ARCN1: variants seen among roughly 807,000 people sequenced by gnomAD.
ARCN1 encodes the protein archain 1 coat protein complex I subunit delta.
Under a neutral mutation model 60.4 loss-of-function variants are expected in ARCN1, and 5 were observed. The ratio of observed to expected loss-of-function variants is 0.08; its 90% CI spans 0.04 to 0.17. ARCN1 has a LOEUF of 0.17. ARCN1 is among the 10% of genes least tolerant of loss of function. The pLI is 1.00. For missense variants in ARCN1, 464 were observed against 626.5 expected (o/e 0.74, Z 2.77); for synonymous variants, 224 against 220.0 (o/e 1.02, Z -0.16).
chr11:118,581,262 C>T lies in ARCN1; in HGVS notation c.20C>T (p.Ala7Val), dbSNP rs782522980. The stretch of plus-strand genomic sequence containing the variant: ...TCCTGGCAGGTGCTGTTGGCAGCAG[C>T]GGTCTGCACAAAAGCAGGAAAGGCT... MVLLAA[A>V]VCTKAGKAIV... The change falls in exon 2 of 10, where the codon GCG (alanine) becomes GTG (valine). Residue 7 changes from alanine to valine, a missense_variant. Coordinates refer to ENST00000264028, the MANE Select transcript of ARCN1 (RefSeq NM_001655.5). 12 of 1,614,040 alleles carry T rather than the reference C, an allele frequency of 7.4e-6. No individual in the cohort carries two copies. Among genetic ancestry groups the T allele is most frequent in the Non-Finnish European group, 7.6e-6 (9 of 1,179,992 alleles).
chr11:118,593,793 T>C (rs561843457), intron 8 of ARCN1, 95 bp downstream of exon 8: 1 of 673,324 alleles, frequency 1.5e-6, no homozygotes, highest in Non-Finnish European at 2.5e-6. Context: ...TGACTGTCCA[T>C]TCAAAGATAC....
chr11:118,599,211 T>C (rs1555077719), intron 9 of ARCN1, among the ~76,000 whole-genome samples: 1 of 147,794 alleles, frequency 6.8e-6, no homozygotes, highest in African/African-American at 2.6e-5. Flanking sequence ...TCCTGCCTCA[T>C]CCTCCTGAGT....
At position 118,593,607 on chromosome 11, in the gene ARCN1, G is replaced by C; in HGVS notation, c.1150G>C (p.Glu384Gln). Residue 384 changes from glutamate to glutamine, a missense_variant, in exon 8 of 10, where the codon GAG becomes CAG. Physicochemically the swap from Glu to Gln is conservative, Grantham distance 29. Around this residue, in one of 2 missense-constraint regions of ARCN1, gnomAD observed 359 missense variants for 440.2 expected, o/e 0.82. Transcript: ENST00000264028. ...CTCCTCAGTTAATTGCTGGCCCTCG[G>C]AGAGTGGAAATGGCTGTGATGTCAA... ...IPLTINCWPS[E>Q]SGNGCDVNIE... The C allele has an allele frequency of 8.1e-6, 13 of 1,612,804 alleles. No individual in the cohort carries two copies. The highest frequency in any genetic ancestry group is 1.1e-5 in the Non-Finnish European group (13 of 1,179,014).
chr11:118,598,031 T>A, intron 9 of ARCN1, 120 bp downstream of exon 9: 2 of 875,520 alleles, frequency 2.3e-6, no homozygotes, highest in Admixed American at 2.7e-5. Flanking sequence ...AAAAAACTGA[T>A]GTCTCCTACA....
At chr11:118,586,006 G>A (rs186868628) in intron 5 of ARCN1, among the ~76,000 whole-genome samples, 16 of 152,344 alleles carry the variant, frequency 1.1e-4, no homozygotes, top group Admixed American at 1.0e-3. Context: ...GTTGCTGATG[G>A]TTTTGAGGTC....
At chr11:118,576,199 G>A (rs1221588971) in intron 1 of ARCN1, among the ~76,000 whole-genome samples, 3 of 151,900 alleles carry the variant, frequency 2.0e-5, no homozygotes, top group African/African-American at 7.2e-5. Flanking sequence ...ATGTAGTTAA[G>A]TCTGTGTAGG....
At chr11:118,576,160 G>GT (rs200268771) in intron 1 of ARCN1, among the ~76,000 whole-genome samples, 6,226 of 151,920 alleles carry the variant, frequency 0.041, 180 homozygotes, top group South Asian at 0.067. Context: ...AATTCTCCAG[G>GT]TTTTTTTACT....
chr11:118,597,524 ACT>A (rs1290877507), intron 8 of ARCN1, among the ~76,000 whole-genome samples, 181 bp from the exon 9 acceptor site: 1 of 151,832 alleles, frequency 6.6e-6, no homozygotes, highest in Non-Finnish European at 1.5e-5. Flanking sequence ...ATTGAGTGAA[ACT>A]CTTAGCCCAA....
rs1555077985 is a variant in ARCN1 at position 118,600,759 on chromosome 11, A to G, written c.*45A>G. 1.5e-6 allele frequency: 2 copies of G among 1,347,616 alleles called. No individual in the cohort carries two copies. The highest frequency in any genetic ancestry group is 2.1e-6 in the Non-Finnish European group (2 of 958,948). The allele number at this position is 1,347,616 out of a possible 1,614,324, so 83.5% of individuals were successfully genotyped here. A position where few individuals can be genotyped will look rare whatever the true frequency, so the allele number is the denominator to read the frequency against. On this transcript the variant is annotated 3_prime_UTR_variant, in exon 10 of 10. Transcript: ENST00000264028. ...AAAAGGAAAATTTTCAGATTAATAA[A>G]GAAGACGCCAATGATGGCTGAAGAG...
chr11:118,592,805 G>A lies in ARCN1; in HGVS notation c.1081G>A (p.Val361Met). 1.2e-6 allele frequency: 2 copies of A among 1,614,136 alleles called. No homozygotes were observed. Among genetic ancestry groups the A allele is most frequent in the Non-Finnish European group, 1.7e-6 (2 of 1,180,006 alleles). Residue 361 changes from valine (V) to methionine (M), a missense_variant, in exon 7 of 10, where the codon GTG (valine) becomes ATG (methionine). By Grantham distance (21) the Val-to-Met change is conservative (BLOSUM62 1). This residue lies in a region of ARCN1 where 359 missense variants were observed against 440.2 expected (regional missense o/e 0.82). Coordinates refer to ENST00000264028, the MANE Select transcript of ARCN1 (RefSeq NM_001655.5). ...KSFPVNSDVG[V>M]LKWRLQTTEE... is the part of the protein sequence containing the mutation. The stretch of plus-strand genomic sequence containing the variant: ...ATTTCCAGTCAACAGTGACGTAGGG[G>A]TGCTAAAGTGGAGACTACAAACCAC...
At chr11:118,590,751 A>G (rs1938886469) in intron 6 of ARCN1, among the ~76,000 whole-genome samples, 1 of 152,256 alleles carries the variant, frequency 6.6e-6, no homozygotes, top group Admixed American at 6.5e-5. Flanking sequence ...AATCTAATAA[A>G]TGACTTCATA....
Position 118,590,539 on chromosome 11 carries a change from A to G in ARCN1, c.984+33A>G, listed in dbSNP as rs782570728. The G allele has an allele frequency of 3.7e-6, 6 of 1,605,018 alleles. No individual in the cohort carries two copies. In the Admixed American group the frequency reaches 6.7e-5, roughly 18 times the overall value. ...GAAGCTTTTGATAGGGAGTATTAAC[A>G]CTTTGTCTACCTATTATAGTCTTTC... On this transcript the variant is annotated intron_variant, in intron 6 of 9. Coordinates refer to ENST00000264028, the MANE Select transcript of ARCN1 (RefSeq NM_001655.5).
chr11:118,581,158 A>G, intron 1 of ARCN1, 88 bp from the exon 2 acceptor site: 1 of 1,504,670 alleles, frequency 6.6e-7, no homozygotes, highest in Middle Eastern at 1.7e-4. Context: ...CTAAATAAAT[A>G]TGTCATTCTA....
Position 118,601,736 on chromosome 11 carries a change from C to G in ARCN1, c.*1022C>G. The G allele has an allele frequency of 1.4e-6, 1 of 702,914 alleles. No homozygotes were observed. Among genetic ancestry groups the G allele is most frequent in the South Asian group, 1.5e-5 (1 of 67,602 alleles). 43.5% of individuals were successfully genotyped at this position (702,914 alleles called of 1,614,324 possible). On this transcript the variant is annotated 3_prime_UTR_variant, in exon 10 of 10. Transcript: ENST00000264028. ...CCTGTCCTTCCAGTTTAGAACAGTA[C>G]CATGAATCCCACTTGTGTCAATATT...
chr11:118,573,204 G>A (rs1358822884), intron 1 of ARCN1, among the ~76,000 whole-genome samples: 4 of 152,306 alleles, frequency 2.6e-5, no homozygotes, highest in African/African-American at 9.6e-5. Context: ...CATACACTGT[G>A]TAGACCACTG....
At chr11:118,594,752 G>A (rs781850833) in intron 8 of ARCN1, among the ~76,000 whole-genome samples, 8 of 152,050 alleles carry the variant, frequency 5.3e-5, no homozygotes, top group Middle Eastern at 3.4e-3. Flanking sequence ...GTTTCACCAT[G>A]TTGGCCAGGC....
rs1295209817 is a variant in ARCN1, at chr11:118,597,617, T to G, written c.1242-90T>G. 7 of 1,458,406 alleles carry G rather than the reference T, an allele frequency of 4.8e-6. No homozygotes were observed. The African/African-American group carries it at 9.8e-5, about 20-fold the overall frequency. 90.3% of individuals were successfully genotyped at this position (1,458,406 alleles called of 1,614,324 possible). A position where few individuals can be genotyped will look rare whatever the true frequency, so the allele number is the denominator to read the frequency against. ...AATTGTAGTCCTAGAAGGCAAAATT[T>G]GGGGATCATATATCAAATTTGGGGT... On this transcript the variant is annotated intron_variant, in intron 8 of 9. Coordinates refer to ENST00000264028, the MANE Select transcript of ARCN1 (RefSeq NM_001655.5).
In ARCN1 at chr11:118,581,399, A is replaced by T; in HGVS notation, c.157A>T (p.Ser53Cys). 6.2e-7 allele frequency: 1 copy of T among 1,614,194 alleles called. No homozygotes were observed. Among genetic ancestry groups the T allele is most frequent in the Non-Finnish European group, 8.5e-7 (1 of 1,180,040 alleles). ...ACAACATACGTTTGTTGAAACAGAG[A>T]GTGTAAGATATGTCTACCAGCCTAT... ...GKQHTFVETESVRYVYQPMEK... is the reference protein window; with the variant it reads ...GKQHTFVETECVRYVYQPMEK... The change falls in exon 2 of 10, where the codon AGT becomes TGT. Residue 53 changes from serine to cysteine, a missense_variant. Physicochemically the swap from Ser to Cys is moderately radical, Grantham distance 112. This residue lies in a region of ARCN1 where 105 missense variants were observed against 186.3 expected (regional missense o/e 0.56). Transcript: ENST00000264028.
In ARCN1 at chr11:118,592,786, A is replaced by G; in HGVS notation, c.1062A>G (p.Pro354=). Residue 354 remains proline, a synonymous_variant, in exon 7 of 10, where the codon CCA becomes CCG. Transcript: ENST00000264028. ...IGLKNPEKSF[P]VNSDVGVLKW... ...TGAAGAATCCAGAGAAGTCATTTCC[A>G]GTCAACAGTGACGTAGGGGTGCTAA... 2 of 1,614,154 alleles carry G rather than the reference A, an allele frequency of 1.2e-6. No individual in the cohort carries two copies. The highest frequency in any genetic ancestry group is 8.5e-7 in the Non-Finnish European group (1 of 1,180,000).
Sources: allele counts gnomAD v4.1 joint callset (sites outside exome capture counted in the v4.1 genomes callset), GRCh38; gene constraint gnomAD v4.1.1; regional missense constraint gnomAD v4.1.1; transcripts MANE v1.5; gene names NCBI Gene and HGNC (gene_info 2026-07-23, HGNC 2026-07-21).